Variants in ANO6 observed in about 807,000 individuals in gnomAD.
ANO6 encodes anoctamin 6.
A neutral mutation model predicts 117.5 loss-of-function variants in ANO6; 106 were observed. The observed-to-expected ratio is 0.90, with a 90% confidence interval of 0.77 to 1.06. ANO6 has a LOEUF of 1.06. Ranked by LOEUF, ANO6 falls within the 50% of genes least tolerant of loss-of-function variation. The pLI is 0.00. For synonymous variants in ANO6, 367 were observed against 385.1 expected, an observed-to-expected ratio of 0.95 and a Z score of 0.55; for missense variants, 955 against 1,121.1, an observed-to-expected ratio of 0.85 and a Z score of 2.12.
intron 2 of ANO6, among the ~76,000 whole-genome samples, chr12:45,303,129 A>G (rs1212399328): frequency 1.3e-5 from 2 of 152,206 alleles, no homozygotes; most frequent in Non-Finnish European, 2.9e-5. Flanking sequence ...TGTATCCACA[A>G]TGCCATTTTA....
At chr12:45,381,023 G>C (rs977169394) in intron 10 of ANO6, among the ~76,000 whole-genome samples, 2 of 152,110 alleles carry the variant, frequency 1.3e-5, no homozygotes, top group African/African-American at 4.8e-5. Flanking sequence ...TGCCTCTGTG[G>C]GTTACGAGGC....
intron 1 of ANO6, among the ~76,000 whole-genome samples, chr12:45,283,793 G>A (rs1232513568): frequency 6.6e-6 from 1 of 152,054 alleles, no homozygotes; most frequent in Non-Finnish European, 1.5e-5. Flanking sequence ...ATACCTTAAT[G>A]TCACCGGAAT....
intron 1 of ANO6, among the ~76,000 whole-genome samples, chr12:45,222,443 C>T (rs906929792): frequency 7.9e-5 from 12 of 152,144 alleles, no homozygotes; most frequent in Admixed American, 5.2e-4. Context: ...AGGCGTGAGC[C>T]ACCATGCCTG....
chr12:45,275,874 C>T (rs1938539196), intron 1 of ANO6, among the ~76,000 whole-genome samples: 1 of 152,174 alleles, frequency 6.6e-6, no homozygotes, highest in Admixed American at 6.5e-5. Flanking sequence ...CCTCTTCTGT[C>T]TACATGCTCA....
intron 1 of ANO6, 145 bp from the exon 2 acceptor site, chr12:45,301,869 T>G: frequency 1.4e-6 from 1 of 700,902 alleles, no homozygotes. Context: ...TTTTAATATA[T>G]CTGATAGCTG....
At chr12:45,313,021 G>C (rs1200861734) in intron 2 of ANO6, among the ~76,000 whole-genome samples, 1 of 152,014 alleles carries the variant, frequency 6.6e-6, no homozygotes, top group Admixed American at 6.6e-5. Flanking sequence ...AGGTCATTCA[G>C]TGATGCTAAT....
At chr12:45,220,589 G>A (rs1208791008) in intron 1 of ANO6, among the ~76,000 whole-genome samples, 3 of 152,202 alleles carry the variant, frequency 2.0e-5, no homozygotes, top group East Asian at 3.8e-4. Context: ...AGACATACCT[G>A]TGTCTTCCAG....
intron 1 of ANO6, among the ~76,000 whole-genome samples, chr12:45,260,314 A>G (rs1264241447): frequency 4.6e-5 from 7 of 152,236 alleles, no homozygotes; most frequent in Admixed American, 2.0e-4. Flanking sequence ...GCACTCAAGT[A>G]AGAGCTAATC....
At chr12:45,319,230 C>G (rs1333219024) in intron 2 of ANO6, among the ~76,000 whole-genome samples, 2 of 152,172 alleles carry the variant, frequency 1.3e-5, no homozygotes, top group Admixed American at 1.3e-4. Context: ...TTTGCCCATT[C>G]AGTATGATAT....
chr12:45,439,536 A>G (rs1943746283), intron 19 of ANO6: 1 of 702,900 alleles, frequency 1.4e-6, no homozygotes, highest in Non-Finnish European at 2.1e-6. Context: ...ACATGAGGGC[A>G]TTTGAATTTG....
intron 15 of ANO6, 36 bp downstream of exon 15, chr12:45,403,572 C>A (rs1294698925): frequency 6.5e-7 from 1 of 1,549,382 alleles, no homozygotes; most frequent in Non-Finnish European, 8.9e-7. Flanking sequence ...GGTAAAAGGA[C>A]AAGGGATAGA....
chr12:45,265,705 C>T (rs1232319665), intron 1 of ANO6, among the ~76,000 whole-genome samples: 1 of 152,188 alleles, frequency 6.6e-6, no homozygotes, highest in Non-Finnish European at 1.5e-5. Flanking sequence ...CCATCATGTG[C>T]TTTTCTCCTT....
At chr12:45,338,066 T>C (rs1358496547) in intron 3 of ANO6, among the ~76,000 whole-genome samples, 2 of 152,058 alleles carry the variant, frequency 1.3e-5, no homozygotes, top group East Asian at 3.9e-4. Context: ...AAATGATTTA[T>C]TATCAACCAT....
intron 1 of ANO6, among the ~76,000 whole-genome samples, chr12:45,265,279 A>G (rs529826820): frequency 6.6e-6 from 1 of 152,320 alleles, no homozygotes; most frequent in South Asian, 2.1e-4. Context: ...GTATTGAAAT[A>G]CGAAGTTATG....
intron 3 of ANO6, among the ~76,000 whole-genome samples, chr12:45,331,755 A>G (rs903273012): frequency 1.3e-5 from 2 of 152,122 alleles, no homozygotes; most frequent in Non-Finnish European, 2.9e-5. Flanking sequence ...ATGATTAATA[A>G]TGACAAGTGT....
chr12:45,431,218 TC>T lies in ANO6; in HGVS notation c.*1910del. On this transcript the variant is annotated 3_prime_UTR_variant, in exon 20 of 20. Coordinates refer to ENST00000320560, the MANE Select transcript of ANO6 (RefSeq NM_001025356.3). ...CACTGGGATGGAGAAATGAATTTCT[TC>T]CCACTGAAGGAAACTCTTTCTCATT... The T allele has an allele frequency of 1.2e-5, 12 of 985,332 alleles. No homozygotes were observed. The highest frequency in any genetic ancestry group is 1.4e-5 in the Non-Finnish European group (12 of 829,914). 61.0% of individuals were successfully genotyped at this position (985,332 alleles called of 1,614,324 possible). A position where few individuals can be genotyped will look rare whatever the true frequency, so the allele number is the denominator to read the frequency against.
intron 16 of ANO6, among the ~76,000 whole-genome samples, 170 bp downstream of exon 16, chr12:45,409,657 A>C (rs1179031612): frequency 6.6e-6 from 1 of 152,232 alleles, no homozygotes; most frequent in Non-Finnish European, 1.5e-5. Context: ...TAAGGTGGTC[A>C]TGTATGTCTT....
intron 1 of ANO6, among the ~76,000 whole-genome samples, chr12:45,228,977 A>G (rs1277444104): frequency 1.3e-5 from 2 of 152,248 alleles, no homozygotes; most frequent in South Asian, 2.1e-4. Context: ...ATCTATAGCC[A>G]CTTGGGTCTG....
chr12:45,373,173 A>G (rs1941896680), intron 9 of ANO6, among the ~76,000 whole-genome samples: 2 of 152,332 alleles, frequency 1.3e-5, no homozygotes, highest in African/African-American at 4.8e-5. Flanking sequence ...TATCCTAAAT[A>G]TATATGCACC....
Sources: allele counts gnomAD v4.1 joint callset (sites outside exome capture counted in the v4.1 genomes callset), GRCh38; gene constraint gnomAD v4.1.1; transcripts MANE v1.5; gene names NCBI Gene and HGNC (gene_info 2026-07-23, HGNC 2026-07-21).